The following MYCBP2 variants were observed in gnomAD, a reference collection of about 807,000 sequenced individuals.
MYCBP2 encodes the protein E3 ubiquitin-protein ligase MYCBP2.
A neutral mutation model predicts 525.3 loss-of-function variants in MYCBP2; 120 were observed. That is an observed-to-expected ratio of 0.23 (90% CI 0.20 to 0.27). The LOEUF (loss-of-function observed/expected upper bound fraction) is 0.27. Ranked by LOEUF, MYCBP2 falls within the 10% of genes least tolerant of loss-of-function variation. MYCBP2 has a pLI of 1.00. For missense variants in MYCBP2, 4,149 were observed against 5,657.1 expected (o/e 0.73, Z 8.55); for synonymous variants, 1,894 against 1,955.8 (o/e 0.97, Z 0.83).
Position 77,140,071 on chromosome 13 carries a change from A to C in MYCBP2, c.7494T>G (p.Asn2498Lys). ...CCTCATCAATAAAAGTGATAGTTCC[A>C]TTGACTTTCACTATGCCTATCTGCT... ...QSEQIGIVKVNGTITFIDEIH... is the reference protein window; with the variant it reads ...QSEQIGIVKVKGTITFIDEIH... The change falls in exon 51 of 83, where the codon AAT becomes AAG. Residue 2498 changes from asparagine (N) to lysine (K), a missense_variant. Asn to Lys is a moderately conservative substitution (Grantham distance 94). Coordinates refer to ENST00000544440, the MANE Select transcript of MYCBP2 (RefSeq NM_015057.5). 6.2e-7 allele frequency: 1 copy of C among 1,610,832 alleles called. No homozygotes were observed. Among genetic ancestry groups the C allele is most frequent in the Non-Finnish European group, 8.5e-7 (1 of 1,178,892 alleles).
At chr13:77,185,429 T>A in intron 31 of MYCBP2, 52 bp from the exon 32 acceptor site, 1 of 1,534,718 alleles carries the variant, frequency 6.5e-7, no homozygotes, top group Non-Finnish European at 8.8e-7. Flanking sequence ...TAAATATGCA[T>A]GAAAACAATC....
intron 82 of MYCBP2, among the ~76,000 whole-genome samples, 174 bp from the exon 83 acceptor site, chr13:77,045,667 AT>A (rs2035406218): frequency 6.6e-6 from 1 of 152,230 alleles, no homozygotes; most frequent in South Asian, 2.1e-4. Context: ...AATGTTCACT[AT>A]AAAAAATTCA....
At chr13:77,309,237 CATT>C (rs2079846103) in intron 1 of MYCBP2, among the ~76,000 whole-genome samples, 1 of 152,176 alleles carries the variant, frequency 6.6e-6, no homozygotes, top group South Asian at 2.1e-4. Flanking sequence ...GGTGTTGGCT[CATT>C]ATAATTTCTT....
intron 1 of MYCBP2, among the ~76,000 whole-genome samples, chr13:77,322,522 G>A (rs1340349740): frequency 6.6e-6 from 1 of 152,086 alleles, no homozygotes; most frequent in African/African-American, 2.4e-5. Flanking sequence ...TCTATTTTGT[G>A]TGGAAAAACA....
At position 77,326,512 on chromosome 13, in the gene MYCBP2, C is replaced by T; in HGVS notation, c.264G>A (p.Arg88=). Residue 88 remains arginine (R), a synonymous_variant, in exon 1 of 83, where the codon AGG becomes AGA. Transcript: ENST00000544440. This position sits in a 1 kb window ranked among gnomAD's most constrained non-coding sequence, Gnocchi z 4.2. The part of the protein sequence containing the change: ...RRIYTAALND[R]DQGGGSAGHP... ...GTCCAGCGCTGCCGCCCCCCTGGTC[C>T]CTGTCATTGAGCGCAGCGGTATAAA... 1 of 1,594,628 alleles carries T rather than the reference C, an allele frequency of 6.3e-7. No individual in the cohort carries two copies. The highest frequency in any genetic ancestry group is 8.5e-7 in the Non-Finnish European group (1 of 1,171,118).
At chr13:77,220,666 G>C (rs2154291917) in intron 20 of MYCBP2, among the ~76,000 whole-genome samples, 1 of 152,154 alleles carries the variant, frequency 6.6e-6, no homozygotes, top group African/African-American at 2.4e-5. Flanking sequence ...TAAATGTTTT[G>C]CTTTGTTGTA....
chr13:77,141,770 CAAA>C (rs34124996), intron 49 of MYCBP2, among the ~76,000 whole-genome samples: 7 of 81,690 alleles, frequency 8.6e-5, no homozygotes, highest in Non-Finnish European at 7.8e-5. Context: ...GACTCTGTCT[CAAA>C]AAAAAAAAAA....
rs1179401209 is a variant in MYCBP2, at chr13:77,187,022, C to A, written c.4252-959G>T. ...TGGGGGTTTCACTATATTGCCCTGG[C>A]TGGTCTTGAACTCCTGAGCTCAAGC... is the stretch of plus-strand genomic sequence containing the variant. On this transcript the variant is annotated intron_variant, in intron 30 of 82. Coordinates refer to ENST00000544440, the MANE Select transcript of MYCBP2 (RefSeq NM_015057.5). 3.3e-5 allele frequency among the ~76,000 whole-genome samples: 5 copies of A among 151,902 alleles called. No individual in the cohort carries two copies. The East Asian group carries it at 7.7e-4, about 23-fold the overall frequency.
chr13:77,219,240 G>A (rs760865143), intron 20 of MYCBP2, among the ~76,000 whole-genome samples: 18 of 152,108 alleles, frequency 1.2e-4, no homozygotes, highest in Non-Finnish European at 2.6e-4. Context: ...GGAGGAGTAG[G>A]TTTCAAGCGT....
At chr13:77,102,315 T>C (rs1257754320) in intron 55 of MYCBP2, among the ~76,000 whole-genome samples, 1 of 151,762 alleles carries the variant, frequency 6.6e-6, no homozygotes, top group African/African-American at 2.4e-5. Flanking sequence ...TTATATTTCC[T>C]ATTTATATGT....
In MYCBP2 at chr13:77,164,510, T is replaced by A; in HGVS notation, c.6491A>T (p.Asn2164Ile). 1 of 1,613,470 alleles carries A rather than the reference T, an allele frequency of 6.2e-7. No homozygotes were observed. The highest frequency in any genetic ancestry group is 8.5e-7 in the Non-Finnish European group (1 of 1,179,428). Residue 2164 changes from asparagine to isoleucine, a missense_variant, in exon 43 of 83, where the codon AAT (asparagine) becomes ATT (isoleucine). By Grantham distance (149) the Asn-to-Ile change is moderately radical. Coordinates refer to ENST00000544440, the MANE Select transcript of MYCBP2 (RefSeq NM_015057.5). ...AGCTGCTGCACAAACCCCACCAAGA[T>A]TGGCTAATTCTTTTTCCAATTGGAT... ...GVIQLEKELA[N>I]LGGVCAAALM...
intron 26 of MYCBP2, among the ~76,000 whole-genome samples, chr13:77,197,781 G>A (rs565097709): frequency 2.2e-4 from 34 of 152,018 alleles, no homozygotes; most frequent in Admixed American, 2.1e-3. Context: ...ATTACAGAGA[G>A]GTGAAGGGAA....
chr13:77,089,685 T>TA, intron 60 of MYCBP2, among the ~76,000 whole-genome samples: 1 of 151,746 alleles, frequency 6.6e-6, no homozygotes, highest in Non-Finnish European at 1.5e-5. Context: ...GGGCTATTTA[T>TA]ATCCCCAAAG....
At chr13:77,056,139 TGTGTGTG>T (rs1420100164) in intron 79 of MYCBP2, among the ~76,000 whole-genome samples, 1 of 151,088 alleles carries the variant, frequency 6.6e-6, no homozygotes, top group Non-Finnish European at 1.5e-5. Context: ...TGTGTGTGTG[TGTGTGTG>T]TGTGTGTGTG....
intron 55 of MYCBP2, chr13:77,109,754 G>T (rs1272047682): frequency 6.6e-6 from 1 of 152,148 alleles, no homozygotes; most frequent in African/African-American, 2.4e-5. Context: ...CTGGAACCGT[G>T]GCAGAGGAAC....
In MYCBP2 at chr13:77,058,442, T is replaced by C. The variant is rs745458319; in HGVS notation, c.13141-36A>G. 3.3e-6 allele frequency: 5 copies of C among 1,493,196 alleles called. No individual in the cohort carries two copies. The highest frequency in any genetic ancestry group is 1.8e-4 in the Middle Eastern group (1 of 5,468). The allele number at this position is 1,493,196 out of a possible 1,614,324, so 92.5% of individuals were successfully genotyped here. On this transcript the variant is annotated intron_variant, in intron 77 of 82. Transcript: ENST00000544440. This position sits in a 1 kb window ranked among gnomAD's most constrained non-coding sequence, Gnocchi z 4.1. The stretch of plus-strand genomic sequence containing the variant: ...TGAATTACAATGTTACACAAGTATG[T>C]AAAAAAGCACACATTCTGGTAATTT...
chr13:77,169,962 G>A (rs1375482191), intron 38 of MYCBP2, among the ~76,000 whole-genome samples: 1 of 151,966 alleles, frequency 6.6e-6, no homozygotes, highest in Non-Finnish European at 1.5e-5. Context: ...TGGCACATAG[G>A]GTTTAAGTAT....
intron 69 of MYCBP2, 126 bp from the exon 70 acceptor site, chr13:77,068,957 C>A: frequency 1.1e-6 from 1 of 890,406 alleles, no homozygotes; most frequent in Non-Finnish European, 1.7e-6. Flanking sequence ...TACTATTCTC[C>A]CAGTTAATTC....
chr13:77,195,600 A>AC (rs398117586), intron 26 of MYCBP2, among the ~76,000 whole-genome samples: 2 of 151,828 alleles, frequency 1.3e-5, no homozygotes, highest in African/African-American at 2.4e-5. Flanking sequence ...TTAAAAAAAA[A>AC]TAGTCCGAAA....
Sources: gnomAD v4.1 joint callset for allele counts (sites outside exome capture counted in the v4.1 genomes callset) on GRCh38, gnomAD v4.1.1 for gene constraint, Gnocchi (gnomAD v3.1) non-coding constraint, MANE v1.5 for transcripts, NCBI Gene and HGNC (gene_info 2026-07-23, HGNC 2026-07-21) for gene names.